The following TSFM variants were observed in gnomAD, a reference collection of about 807,000 sequenced individuals.
TSFM encodes the protein Ts translation elongation factor, mitochondrial, also known as elongation factor Ts, mitochondrial.
A neutral mutation model predicts 33.4 loss-of-function variants in TSFM; 29 were observed. The ratio of observed to expected loss-of-function variants is 0.87; its 90% CI spans 0.65 to 1.18. The LOEUF is 1.18. TSFM is among the 50% of genes most tolerant of loss of function. The pLI is 0.00. For missense variants in TSFM, 394 were observed against 395.6 expected, an observed-to-expected ratio of 1.00 and a Z score of 0.04; for synonymous variants, 178 against 163.5, an observed-to-expected ratio of 1.09 and a Z score of -0.68.
chr12:57,791,433 T>C (rs1180615052), intron 4 of TSFM, among the ~76,000 whole-genome samples: 2 of 152,252 alleles, frequency 1.3e-5, no homozygotes, highest in Non-Finnish European at 2.9e-5. Flanking sequence ...ACCCCGTTCC[T>C]ATCCATCCCT....
At chr12:57,788,809 G>T (rs1212168160) in intron 4 of TSFM, among the ~76,000 whole-genome samples, 1 of 151,412 alleles carries the variant, frequency 6.6e-6, no homozygotes, top group Admixed American at 6.6e-5. Context: ...TCATTTTTAA[G>T]TTTTTTGTAG....
chr12:57,802,690 G>A (rs990746493), downstream of TSFM: 6 of 618,452 alleles, frequency 9.7e-6, no homozygotes, highest in African/African-American at 9.2e-5. Context: ...TACTAAACTT[G>A]TATCTGAGTC....
At chr12:57,798,357 G>T (rs1160085213), downstream of TSFM, among the ~76,000 whole-genome samples, 1 of 152,166 alleles carries the variant, frequency 6.6e-6, no homozygotes, top group Non-Finnish European at 1.5e-5. Context: ...TTTTCTGCCC[G>T]TAACTACCAT....
chr12:57,798,547 G>A (rs1955781652), downstream of TSFM, among the ~76,000 whole-genome samples: 1 of 152,042 alleles, frequency 6.6e-6, no homozygotes, highest in Non-Finnish European at 1.5e-5. Flanking sequence ...AAGACATTGT[G>A]GGAAATCCAG....
rs780581416 is a variant in TSFM at position 57,783,628 on chromosome 12, C to G, written c.231+345C>G. 2.1e-5 allele frequency: 12 copies of G among 561,412 alleles called. No individual in the cohort carries two copies. The African/African-American group carries it at 2.3e-4, about 11-fold the overall frequency. The allele number at this position is 561,412 out of a possible 1,614,324, so 34.8% of individuals were successfully genotyped here. On this transcript the variant is annotated intron_variant, in intron 2 of 5. Coordinates refer to ENST00000652027, the MANE Select transcript of TSFM (RefSeq NM_005726.6). Reference sequence around the variant, plus strand: ...TTTTTTTTTCAGACGGAGTCTTGCTCTGTGGCCCAGGCCGGCGTGCAATGG... The same window carrying G: ...TTTTTTTTTCAGACGGAGTCTTGCTGTGTGGCCCAGGCCGGCGTGCAATGG...
intron 5 of TSFM, 78 bp from the exon 6 acceptor site, chr12:57,796,099 C>A: frequency 7.5e-7 from 1 of 1,340,002 alleles, no homozygotes; most frequent in Non-Finnish European, 1.0e-6. Flanking sequence ...CAAACTGGGC[C>A]TCTTCTGTGC....
At chr12:57,801,949 A>G (rs774299920), downstream of TSFM, among the ~76,000 whole-genome samples, 20 of 152,220 alleles carry the variant, frequency 1.3e-4, no homozygotes, top group Non-Finnish European at 2.4e-4. Context: ...CACACTGCTT[A>G]TTGCTGACAC....
rs998410094 is a variant in TSFM, at chr12:57,787,153, A to G, written c.474A>G (p.Ala158=). 6 of 1,575,256 alleles carry G rather than the reference A, an allele frequency of 3.8e-6. No individual in the cohort carries two copies. Among genetic ancestry groups the G allele is most frequent in the Non-Finnish European group, 3.5e-6 (4 of 1,158,838 alleles). ...AGACCCTAAAGGATCAACCCTCTGC[A>G]TACAGTAAAGTAAGTTTGGGATTTG... ...HCQTLKDQPS[A]YSKGFLNSSE... Residue 158 remains alanine (A), a synonymous_variant, in exon 4 of 6, where the codon GCA becomes GCG. Coordinates refer to ENST00000652027, the MANE Select transcript of TSFM (RefSeq NM_005726.6).
chr12:57,793,380 G>A (rs1000293278), intron 5 of TSFM, among the ~76,000 whole-genome samples: 183 of 152,210 alleles, frequency 1.2e-3, no homozygotes, highest in African/African-American at 4.1e-3. Context: ...CTGCCATCAC[G>A]CCTGGCTAAT....
chr12:57,797,168 A>G lies in TSFM; in HGVS notation c.*585A>G, dbSNP rs1366572351. 1.0e-6 allele frequency: 1 copy of G among 985,226 alleles called. No individual in the cohort carries two copies. The highest frequency in any genetic ancestry group is 1.7e-5 in the African/African-American group (1 of 57,192). 61.0% of individuals were successfully genotyped at this position (985,226 alleles called of 1,614,324 possible). A position where few individuals can be genotyped will look rare whatever the true frequency, so the allele number is the denominator to read the frequency against. On this transcript the variant is annotated 3_prime_UTR_variant, in exon 6 of 6. Transcript: ENST00000652027. ...CATGCCCCTATTTCTCTTTTGGATG[A>G]TGTGTGGGTGGGTGGGTACTGAGGT...
chr12:57,782,810 G>A lies in TSFM; in HGVS notation c.9G>A (p.Leu3=). The A allele has an allele frequency of 6.3e-7, 1 of 1,591,356 alleles. No homozygotes were observed. Among genetic ancestry groups the A allele is most frequent in the Admixed American group, 1.8e-5 (1 of 56,612 alleles). The part of the protein sequence containing the change: MS[L]LRSLRVFLVA... ...TTATCGCGGCTAGAGAGATGTCGCTGCTGCGGTCGCTGCGCGTGTTTCTGG... is the reference window on the plus strand; with the variant it reads ...TTATCGCGGCTAGAGAGATGTCGCTACTGCGGTCGCTGCGCGTGTTTCTGG... Residue 3 remains leucine, a synonymous_variant, in exon 1 of 6, where the codon CTG becomes CTA. Coordinates refer to ENST00000652027, the MANE Select transcript of TSFM (RefSeq NM_005726.6).
intron 3 of TSFM, 131 bp downstream of exon 3, chr12:57,786,422 C>G (rs1214832420): frequency 8.7e-7 from 1 of 1,149,910 alleles, no homozygotes; most frequent in Non-Finnish European, 1.2e-6. Context: ...TGAAGTTAAA[C>G]TCATGAAACC....
intron 5 of TSFM, among the ~76,000 whole-genome samples, chr12:57,794,131 T>G (rs1020746080): frequency 1.3e-5 from 2 of 152,200 alleles, no homozygotes; most frequent in African/African-American, 4.8e-5. Context: ...CAATGAGTCA[T>G]GGGTGAGAAA....
At chr12:57,802,030 A>T, downstream of TSFM, 1 of 1,029,048 alleles carries the variant, frequency 9.7e-7, no homozygotes, top group Non-Finnish European at 1.4e-6. Flanking sequence ...AAAGGCAGGG[A>T]GTGGGATGGG....
At chr12:57,792,906 A>G in intron 4 of TSFM, 80 bp from the exon 5 acceptor site, 1 of 1,416,586 alleles carries the variant, frequency 7.1e-7, no homozygotes, top group South Asian at 1.2e-5. Context: ...CTTTTCTTAG[A>G]GATAGACTAT....
chr12:57,787,076 A>G lies in TSFM; in HGVS notation c.397A>G (p.Lys133Glu). The stretch of plus-strand genomic sequence containing the variant: ...GACAGATTTTGTTTCTAGAAATTTA[A>G]AATTTCAACTGTTGGTCCAGCAAGT... The part of the protein sequence containing the change: ...CETDFVSRNL[K>E]FQLLVQQVAL... The change falls in exon 4 of 6, where the codon AAA becomes GAA. Residue 133 changes from lysine to glutamate, a missense_variant. Lys to Glu is a moderately conservative substitution (Grantham distance 56, BLOSUM62 1). Around this residue, in one of 3 missense-constraint regions of TSFM, gnomAD observed 208 missense variants for 180.4 expected, o/e 1.15. Transcript: ENST00000652027. The G allele has an allele frequency of 6.2e-7, 1 of 1,613,208 alleles. No individual in the cohort carries two copies. Among genetic ancestry groups the G allele is most frequent in the Non-Finnish European group, 8.5e-7 (1 of 1,179,512 alleles).
chr12:57,799,820 T>A, downstream of TSFM: 4 of 1,614,146 alleles, frequency 2.5e-6, no homozygotes, highest in Non-Finnish European at 3.4e-6. Flanking sequence ...GTTTACATCC[T>A]CAGGCAGCTC....
chr12:57,782,800 A>G lies in TSFM; in HGVS notation c.-2A>G, dbSNP rs775850229. 9.4e-6 allele frequency: 15 copies of G among 1,589,564 alleles called. No homozygotes were observed. Among genetic ancestry groups the G allele is most frequent in the East Asian group, 2.3e-5 (1 of 43,380 alleles). ...CGGAGGGTGTTTATCGCGGCTAGAG[A>G]GATGTCGCTGCTGCGGTCGCTGCGC... On this transcript the variant is annotated 5_prime_UTR_variant, in exon 1 of 6. Coordinates refer to ENST00000652027, the MANE Select transcript of TSFM (RefSeq NM_005726.6).
In TSFM at chr12:57,793,052, G is replaced by T; in HGVS notation, c.550G>T (p.Asp184Tyr). 6.2e-7 allele frequency: 1 copy of T among 1,613,580 alleles called. No individual in the cohort carries two copies. Among genetic ancestry groups the T allele is most frequent in the Non-Finnish European group, 8.5e-7 (1 of 1,179,678 alleles). ...GCCTGACAGAGAAGGCTCACTCAAG[G>T]ATCAGTTGGCTTTAGCAATTGGTGA... ...AGPDREGSLK[D>Y]QLALAIGKLG... is the part of the protein sequence containing the mutation. Residue 184 changes from aspartate (D) to tyrosine (Y), a missense_variant, in exon 5 of 6, where the codon GAT (aspartate) becomes TAT (tyrosine). Asp to Tyr is a radical substitution (Grantham distance 160, BLOSUM62 -3). This residue lies in a region of TSFM where 186 missense variants were observed against 198.8 expected (regional missense o/e 0.94). Transcript: ENST00000652027.
Sources: gnomAD v4.1 joint callset for allele counts (sites outside exome capture counted in the v4.1 genomes callset) on GRCh38, gnomAD v4.1.1 for gene constraint, gnomAD v4.1.1 regional missense constraint, MANE v1.5 for transcripts, NCBI Gene and HGNC (gene_info 2026-07-23, HGNC 2026-07-21) for gene names.